Variants in CCL20 observed in about 807,000 individuals in gnomAD.
CCL20 encodes C-C motif chemokine ligand 20.
Under a neutral mutation model 10.8 loss-of-function variants are expected in CCL20, and 8 were observed. The observed-to-expected ratio is 0.74, with a 90% CI of 0.44 to 1.34. The LOEUF is 1.34. Ranked by LOEUF, CCL20 falls within the 40% of genes most tolerant of loss-of-function variation. CCL20 has a pLI of 0.01. For missense variants in CCL20, 107 were observed against 117.9 expected, an observed-to-expected ratio of 0.91 and a Z score of 0.43; for synonymous variants, 40 against 39.4, an observed-to-expected ratio of 1.02 and a Z score of -0.06.
intron 1 of CCL20, 99 bp downstream of exon 1, chr2:227,814,086 T>C: frequency 4.0e-6 from 4 of 1,003,786 alleles, no homozygotes; most frequent in Non-Finnish European, 6.3e-6. Flanking sequence ...GGAAAACTGT[T>C]AGGAAGTATA....
chr2:227,817,361 A>G lies in CCL20; in HGVS notation c.*278A>G, dbSNP rs940144686. ...AATTTTCCATAAGCTATTTTGGTTT[A>G]GTGCAAAGTATAAAATTATATTTGG... On this transcript the variant is annotated 3_prime_UTR_variant, in exon 4 of 4. Transcript: ENST00000358813. 3 of 239,192 alleles carry G rather than the reference A, an allele frequency of 1.3e-5. No homozygotes were observed. The highest frequency in any genetic ancestry group is 2.4e-5 in the Non-Finnish European group (3 of 124,810). 14.8% of individuals were successfully genotyped at this position (239,192 alleles called of 1,614,324 possible).
At chr2:227,814,989 C>T (rs1225467279) in intron 1 of CCL20, among the ~76,000 whole-genome samples, 1 of 152,128 alleles carries the variant, frequency 6.6e-6, no homozygotes, top group Admixed American at 6.6e-5. Flanking sequence ...CCCTTTGTAG[C>T]TCTATTTCTC....
chr2:227,815,546 G>C lies in CCL20; in HGVS notation c.169G>C (p.Gly57Arg), dbSNP rs1273410864. The C allele has an allele frequency of 6.3e-7, 1 of 1,597,398 alleles. No individual in the cohort carries two copies. The highest frequency in any genetic ancestry group is 8.6e-7 in the Non-Finnish European group (1 of 1,165,644). ...CTTCACACGGCAGCTGGCCAATGAA[G>C]GCTGTGACATCAATGCTATCATGTA... ...VGFTRQLANE[G>R]CDINAIIFHT... The change falls in exon 2 of 4, where the codon GGC (glycine) becomes CGC (arginine). Residue 57 changes from glycine (G) to arginine (R), a missense_variant. By Grantham distance (125) the Gly-to-Arg change is moderately radical (BLOSUM62 -2). Coordinates refer to ENST00000358813, the MANE Select transcript of CCL20 (RefSeq NM_004591.3).
intron 1 of CCL20, among the ~76,000 whole-genome samples, chr2:227,815,079 T>A (rs553798548): frequency 6.6e-6 from 1 of 152,270 alleles, no homozygotes; most frequent in South Asian, 2.1e-4. Context: ...TACATAAGGG[T>A]TCCTTCAAGC....
Position 227,816,387 on chromosome 2 carries a change from A to T in CCL20, c.269+3A>T. ...AAATATATTGTGCGTCTCCTCAGGT[A>T]TGTTACACTGACATTTAGCCTTTGC... On this transcript the variant is annotated splice_donor_region_variant and intron_variant, in intron 3 of 3. Coordinates refer to ENST00000358813, the MANE Select transcript of CCL20 (RefSeq NM_004591.3). 1 of 1,549,492 alleles carries T rather than the reference A, an allele frequency of 6.5e-7. No homozygotes were observed. The highest frequency in any genetic ancestry group is 1.1e-5 in the South Asian group (1 of 89,486).
intron 2 of CCL20, 112 bp downstream of exon 2, chr2:227,815,680 A>T: frequency 1.6e-6 from 1 of 624,366 alleles, no homozygotes; most frequent in Non-Finnish European, 2.8e-6. Flanking sequence ...TGTTTTGAAC[A>T]TAAGATCTTA....
Position 227,816,151 on chromosome 2 carries a change from A to T in CCL20, c.192-156A>T, listed in dbSNP as rs77328715. 3.0e-3 allele frequency among the ~76,000 whole-genome samples: 450 copies of T among 152,276 alleles called. 2 individuals are homozygous for T. Among genetic ancestry groups the T allele is most frequent in the African/African-American group, 0.01 (427 of 41,552 alleles). ...AGAGAATCACTTTGATTTTGCATTA[A>T]TCTTCATCAGAAGCATTTTTTGTGC... On this transcript the variant is annotated intron_variant, in intron 2 of 3. Transcript: ENST00000358813.
rs200674319 is a variant in CCL20 at position 227,814,407 on chromosome 2, CT to C, written c.76+421del. On this transcript the variant is annotated intron_variant, in intron 1 of 3. Transcript: ENST00000358813. ...ATCCTTTAGAAGTAGATTATAATAC[CT>C]GACATCAACATCCCCACAAGGCATG... is the stretch of plus-strand genomic sequence containing the variant. Among the ~76,000 whole-genome samples, 290 of 152,228 alleles carry C rather than the reference CT, an allele frequency of 1.9e-3. 3 individuals are homozygous for C. Among genetic ancestry groups the C allele is most frequent in the Admixed American group, 0.014 (217 of 15,286 alleles).
intron 2 of CCL20, chr2:227,816,067 C>A: frequency 2.2e-6 from 1 of 462,980 alleles, no homozygotes; most frequent in Non-Finnish European, 3.8e-6. Context: ...AATTATATGA[C>A]AATTCTGGGA....
chr2:227,814,701 C>T (rs1689997523), intron 1 of CCL20, among the ~76,000 whole-genome samples: 1 of 152,040 alleles, frequency 6.6e-6, no homozygotes, highest in Non-Finnish European at 1.5e-5. Flanking sequence ...CCAGTCTCAG[C>T]CTCTTGAATA....
chr2:227,817,366 A>G lies in CCL20; in HGVS notation c.*283A>G, dbSNP rs1484821802. ...TCCATAAGCTATTTTGGTTTAGTGC[A>G]AAGTATAAAATTATATTTGGGGGGG... On this transcript the variant is annotated 3_prime_UTR_variant, in exon 4 of 4. Coordinates refer to ENST00000358813, the MANE Select transcript of CCL20 (RefSeq NM_004591.3). 8.7e-6 allele frequency: 2 copies of G among 230,712 alleles called. No individual in the cohort carries two copies. The highest frequency in any genetic ancestry group is 2.3e-5 in the African/African-American group (1 of 44,410). The allele number at this position is 230,712 out of a possible 1,614,324, so 14.3% of individuals were successfully genotyped here.
chr2:227,813,984 G>A lies in CCL20; in HGVS notation c.73G>A (p.Glu25Lys). 1.9e-6 allele frequency: 3 copies of A among 1,613,670 alleles called. No homozygotes were observed. The highest frequency in any genetic ancestry group is 2.5e-6 in the Non-Finnish European group (3 of 1,179,540). ...VLLLHLCGES[E>K]AASNFDCCLG... Reference sequence around the variant, plus strand: ...GCTACTCCACCTCTGCGGCGAATCAGAAGGTAAGTGTCGCTCTTTCCGCTA... The same window carrying A: ...GCTACTCCACCTCTGCGGCGAATCAAAAGGTAAGTGTCGCTCTTTCCGCTA... The change falls in exon 1 of 4, where the codon GAA (glutamate) becomes AAA (lysine). Residue 25 changes from glutamate (E) to lysine (K), a missense_variant. By Grantham distance (56) the Glu-to-Lys change is moderately conservative. Transcript: ENST00000358813.
At chr2:227,815,078 G>T (rs1375748469) in intron 1 of CCL20, among the ~76,000 whole-genome samples, 1 of 152,096 alleles carries the variant, frequency 6.6e-6, no homozygotes, top group South Asian at 2.1e-4. Context: ...CTACATAAGG[G>T]TTCCTTCAAG....
intron 2 of CCL20, 150 bp from the exon 3 acceptor site, chr2:227,816,157 A>G: frequency 1.8e-6 from 1 of 564,094 alleles, no homozygotes; most frequent in South Asian, 2.4e-5. Context: ...ATTAATCTTC[A>G]TCAGAAGCAT....
At chr2:227,814,048 T>G in intron 1 of CCL20, 61 bp downstream of exon 1, 1 of 1,413,198 alleles carries the variant, frequency 7.1e-7, no homozygotes, top group Non-Finnish European at 1.0e-6. Context: ...CTTTTAGCCT[T>G]GAGCTCAACT....
chr2:227,815,348 A>G (rs1690008199), intron 1 of CCL20, 106 bp from the exon 2 acceptor site: 2 of 639,624 alleles, frequency 3.1e-6, no homozygotes, highest in East Asian at 2.6e-5. Context: ...CGTCATATAC[A>G]TGAGATTCAC....
intron 2 of CCL20, 116 bp downstream of exon 2, chr2:227,815,684 G>T: frequency 1.6e-6 from 1 of 615,938 alleles, no homozygotes; most frequent in South Asian, 2.0e-5. Flanking sequence ...TTGAACATAA[G>T]ATCTTATTTT....
chr2:227,817,295 A>G lies in CCL20; in HGVS notation c.*212A>G. The G allele has an allele frequency of 2.7e-6, 1 of 369,730 alleles. No individual in the cohort carries two copies. 22.9% of individuals were successfully genotyped at this position (369,730 alleles called of 1,614,324 possible). ...TTAAAGTTAAACTGTATTTTATGTT[A>G]TTTATAGCTGTAGGTTTTCTGTGTT... On this transcript the variant is annotated 3_prime_UTR_variant, in exon 4 of 4. Coordinates refer to ENST00000358813, the MANE Select transcript of CCL20 (RefSeq NM_004591.3).
chr2:227,814,861 G>A (rs1031489195), intron 1 of CCL20, among the ~76,000 whole-genome samples: 8 of 151,994 alleles, frequency 5.3e-5, no homozygotes, highest in African/African-American at 1.7e-4. Context: ...AAAGTGCTGG[G>A]ATTACAGGCA....
Sources: allele counts gnomAD v4.1 joint callset (sites outside exome capture counted in the v4.1 genomes callset), GRCh38; gene constraint gnomAD v4.1.1; transcripts MANE v1.5; gene names NCBI Gene and HGNC (gene_info 2026-07-23, HGNC 2026-07-21).